The following PTBP2 variants were observed in gnomAD, a reference collection of about 807,000 sequenced individuals.
The protein encoded by PTBP2 is polypyrimidine tract binding protein 2, also known as polypyrimidine tract-binding protein 2.
PTBP2 carries 13 observed loss-of-function variants against 61.4 expected under a neutral mutation model. That is an observed-to-expected ratio of 0.21 (90% CI 0.14 to 0.34). The LOEUF (loss-of-function observed/expected upper bound fraction) is 0.34, where lower values mean the gene tolerates loss of function less well. Among genes scored for constraint, PTBP2 ranks in the 10% least tolerant of loss-of-function variants. PTBP2 has a pLI of 1.00. For synonymous variants in PTBP2, 215 were observed against 218.5 expected, an observed-to-expected ratio of 0.98 and a Z score of 0.14; for missense variants, 405 against 642.6, an observed-to-expected ratio of 0.63 and a Z score of 4.00.
downstream of PTBP2, chr1:96,818,056 A>G (rs938851611): frequency 2.0e-5 from 3 of 152,024 alleles, no homozygotes; most frequent in Non-Finnish European, 4.4e-5. Context: ...TATCATTGGT[A>G]TTTTAGACGC....
intron 8 of PTBP2, among the ~76,000 whole-genome samples, chr1:96,792,341 G>A (rs567644409): frequency 2.6e-5 from 4 of 152,088 alleles, no homozygotes; most frequent in East Asian, 1.9e-4. Context: ...TACCATTATC[G>A]ATCCCATTTT....
chr1:96,813,384 T>C lies in PTBP2; in HGVS notation c.1575T>C (p.Ser525=). 2.5e-6 allele frequency: 4 copies of C among 1,593,758 alleles called. No homozygotes were observed. Among genetic ancestry groups the C allele is most frequent in the Non-Finnish European group, 3.4e-6 (4 of 1,170,818 alleles). Residue 525 remains serine (S), a synonymous_variant, in exon 14 of 14, where the codon TCT becomes TCC. Transcript: ENST00000674951. ...NLGENHHLRV[S]FSKSTI ...GAGAAAACCATCATCTGAGAGTGTC[T>C]TTCTCCAAGTCAACAATTTAAAAAT... is the stretch of plus-strand genomic sequence containing the variant.
intron 8 of PTBP2, among the ~76,000 whole-genome samples, chr1:96,800,692 C>T (rs1254833386): frequency 6.6e-6 from 1 of 152,110 alleles, no homozygotes; most frequent in Non-Finnish European, 1.5e-5. Context: ...CATGATCATG[C>T]CACTGCACTC....
chr1:96,789,161 GAGAC>G (rs1051811167), intron 8 of PTBP2, among the ~76,000 whole-genome samples: 1 of 151,910 alleles, frequency 6.6e-6, no homozygotes, highest in African/African-American at 2.4e-5. Context: ...AATTAGGAGA[GAGAC>G]TGTGTACAAA....
At chr1:96,738,266 G>A (rs1318806631) in intron 2 of PTBP2, among the ~76,000 whole-genome samples, 1 of 151,894 alleles carries the variant, frequency 6.6e-6, no homozygotes, top group Non-Finnish European at 1.5e-5. Flanking sequence ...GCTTGGCTTT[G>A]GTTTGATTGA....
chr1:96,748,422 A>G (rs929063147), intron 2 of PTBP2, among the ~76,000 whole-genome samples: 1 of 147,388 alleles, frequency 6.8e-6, no homozygotes, highest in Non-Finnish European at 1.5e-5. Flanking sequence ...TTTAATCTGT[A>G]CTTGCTTTTG....
intron 3 of PTBP2, among the ~76,000 whole-genome samples, chr1:96,755,059 A>G (rs1655005393): frequency 6.6e-6 from 1 of 152,242 alleles, no homozygotes; most frequent in African/African-American, 2.4e-5. Flanking sequence ...AAGACAAGCC[A>G]TAAACTGGAA....
At chr1:96,723,706 T>G in intron 2 of PTBP2, 112 bp downstream of exon 2, 1 of 913,178 alleles carries the variant, frequency 1.1e-6, no homozygotes, top group Non-Finnish European at 1.7e-6. Flanking sequence ...AACCCAAGTG[T>G]AAAATGTTTC....
chr1:96,766,243 T>G (rs1241839521), intron 3 of PTBP2, among the ~76,000 whole-genome samples: 1 of 152,230 alleles, frequency 6.6e-6, no homozygotes, highest in Non-Finnish European at 1.5e-5. Flanking sequence ...CAAGAGGCTT[T>G]GAAAGAGTTG....
intron 2 of PTBP2, among the ~76,000 whole-genome samples, chr1:96,744,685 C>CT (rs1228386206): frequency 1.3e-5 from 2 of 152,074 alleles, no homozygotes; most frequent in African/African-American, 4.8e-5. Flanking sequence ...TATGTAGTGT[C>CT]TTAAGTTCTT....
intron 3 of PTBP2, among the ~76,000 whole-genome samples, chr1:96,767,805 A>G (rs914993084): frequency 2.0e-5 from 3 of 152,138 alleles, no homozygotes; most frequent in African/African-American, 4.8e-5. Context: ...CCCTGTGCGC[A>G]CACAAATCTT....
At chr1:96,778,765 C>G (rs1172752226) in intron 7 of PTBP2, among the ~76,000 whole-genome samples, 1 of 151,990 alleles carries the variant, frequency 6.6e-6, no homozygotes, top group Non-Finnish European at 1.5e-5. Context: ...ATTATTGTCT[C>G]TAATACTTAA....
intron 2 of PTBP2, among the ~76,000 whole-genome samples, chr1:96,738,769 T>A (rs1652579819): frequency 6.6e-6 from 1 of 152,182 alleles, no homozygotes; most frequent in Non-Finnish European, 1.5e-5. Context: ...AATACCACTT[T>A]AAAAAATCTG....
intron 7 of PTBP2, among the ~76,000 whole-genome samples, chr1:96,782,601 C>G (rs796918584): frequency 2.0e-5 from 3 of 151,986 alleles, no homozygotes; most frequent in African/African-American, 7.2e-5. Flanking sequence ...AATAATTAGT[C>G]TGAAGTATTA....
rs192823665 is a variant in PTBP2 at position 96,759,881 on chromosome 1, A to G, written c.115+8381A>G. 1.4e-3 allele frequency among the ~76,000 whole-genome samples: 215 copies of G among 152,320 alleles called. 1 individual carries two copies. Among genetic ancestry groups the G allele is most frequent in the African/African-American group, 4.6e-3 (193 of 41,584 alleles). On this transcript the variant is annotated intron_variant, in intron 3 of 13. Transcript: ENST00000674951. The stretch of plus-strand genomic sequence containing the variant: ...ACCAGTTTAATGAATTTACAATTCT[A>G]TGTGACTGGGGAAGCCTCATAATCA...
intron 2 of PTBP2, among the ~76,000 whole-genome samples, chr1:96,735,141 C>T (rs1289580613): frequency 6.6e-6 from 1 of 152,050 alleles, no homozygotes; most frequent in Non-Finnish European, 1.5e-5. Context: ...TGACTTGGAA[C>T]TCCTGACCTC....
At chr1:96,818,453 T>A (rs1662561794), downstream of PTBP2, 1 of 152,104 alleles carries the variant, frequency 6.6e-6, no homozygotes, top group Non-Finnish European at 1.5e-5. Context: ...TTATTCGTGG[T>A]CATAGTTGCT....
chr1:96,729,549 G>A (rs985653922), intron 2 of PTBP2, among the ~76,000 whole-genome samples: 3 of 151,950 alleles, frequency 2.0e-5, no homozygotes, highest in East Asian at 3.9e-4. Flanking sequence ...AGCCATGTGG[G>A]GCCAGATGTT....
In PTBP2 at chr1:96,784,471, A is replaced by G. The variant is rs1016544171; in HGVS notation, c.709-588A>G. Among the ~76,000 whole-genome samples, 6 of 152,212 alleles carry G rather than the reference A, an allele frequency of 3.9e-5. No individual in the cohort carries two copies. In the East Asian group the frequency reaches 7.7e-4, roughly 20 times the overall value. On this transcript the variant is annotated intron_variant, in intron 7 of 13. Transcript: ENST00000674951. ...CAGAACTTTTCGGGAATGACATTGGATTTGCTAATTTCATCAAGATAATCT... is the reference window on the plus strand; with the variant it reads ...CAGAACTTTTCGGGAATGACATTGGGTTTGCTAATTTCATCAAGATAATCT...
Sources: allele counts gnomAD v4.1 joint callset (sites outside exome capture counted in the v4.1 genomes callset), GRCh38; gene constraint gnomAD v4.1.1; transcripts MANE v1.5; gene names NCBI Gene and HGNC (gene_info 2026-07-23, HGNC 2026-07-21).